MLX: variants seen among roughly 807,000 people sequenced by gnomAD.
MLX encodes the protein MAX dimerization protein MLX, also known as max-like protein X.
In MLX, 15 loss-of-function variants were observed where a neutral mutation model predicts 33.0. That is an observed-to-expected ratio of 0.45 (90% CI 0.30 to 0.70). The LOEUF is 0.70. MLX is among the 30% of genes least tolerant of loss of function. The pLI, the probability that MLX is intolerant of heterozygous loss-of-function variation, is 0.07. For synonymous variants in MLX, 115 were observed against 115.6 expected, an observed-to-expected ratio of 0.99 and a Z score of 0.03; for missense variants, 285 against 306.3, an observed-to-expected ratio of 0.93 and a Z score of 0.52.
Position 42,572,162 on chromosome 17 carries a change from T to C in MLX, c.*559T>C, listed in dbSNP as rs1220698393. On this transcript the variant is annotated 3_prime_UTR_variant, in exon 8 of 8. Coordinates refer to ENST00000435881, the MANE Select transcript of MLX (RefSeq NM_198204.2). ...GTCAGTCCCAGGTGAGGCCAAGGGC[T>C]TTCTGGCCATCTCAGGGAGGGGCCA... 1 of 346,870 alleles carries C rather than the reference T, an allele frequency of 2.9e-6. No homozygotes were observed. Among genetic ancestry groups the C allele is most frequent in the South Asian group, 2.3e-5 (1 of 43,334 alleles). The allele number at this position is 346,870 out of a possible 1,614,324, so 21.5% of individuals were successfully genotyped here.
rs763943242 is a variant in MLX at position 42,572,328 on chromosome 17, T to G, written c.*725T>G. 2.2e-6 allele frequency: 1 copy of G among 454,054 alleles called. No homozygotes were observed. Among genetic ancestry groups the G allele is most frequent in the African/African-American group, 2.0e-5 (1 of 49,948 alleles). 28.1% of individuals were successfully genotyped at this position (454,054 alleles called of 1,614,324 possible). A position where few individuals can be genotyped will look rare whatever the true frequency, so the allele number is the denominator to read the frequency against. ...ACAGCACTACATATTGGAAATTTTTTATTTTTCTAAATACCAATGCAGTTT... is the reference window on the plus strand; with the variant it reads ...ACAGCACTACATATTGGAAATTTTTGATTTTTCTAAATACCAATGCAGTTT... On this transcript the variant is annotated 3_prime_UTR_variant, in exon 8 of 8. Transcript: ENST00000435881.
chr17:42,567,476 C>A, intron 1 of MLX, 143 bp from the exon 2 acceptor site: 10 of 1,452,552 alleles, frequency 6.9e-6, no homozygotes, highest in Non-Finnish European at 9.3e-6. Flanking sequence ...GCCCGCGCAC[C>A]CCGGGCTGTG....
At position 42,569,306 on chromosome 17, in the gene MLX, A is replaced by T; in HGVS notation, c.376+3A>T. 1.9e-6 allele frequency: 3 copies of T among 1,613,280 alleles called. No homozygotes were observed. In the South Asian group the frequency reaches 3.3e-5, roughly 18 times the overall value. The stretch of plus-strand genomic sequence containing the variant: ...CAAAGCCATCGTTCTACAAAAGAGT[A>T]TGGCTAGGGAAAGCACTGGAGGGGA... On this transcript the variant is annotated splice_donor_region_variant and intron_variant, in intron 5 of 7. Transcript: ENST00000435881.
At position 42,571,695 on chromosome 17, in the gene MLX, A is replaced by C; in HGVS notation, c.*92A>C. The C allele has an allele frequency of 8.6e-7, 1 of 1,163,766 alleles. No individual in the cohort carries two copies. Among genetic ancestry groups the C allele is most frequent in the South Asian group, 1.2e-5 (1 of 81,756 alleles). The allele number at this position is 1,163,766 out of a possible 1,614,324, so 72.1% of individuals were successfully genotyped here. Reference sequence around the variant, plus strand: ...GCTGGGCCCGGGAGACTGGACTACAACACCTCACACTGGTCAGCTGGTTTC... The same window carrying C: ...GCTGGGCCCGGGAGACTGGACTACACCACCTCACACTGGTCAGCTGGTTTC... On this transcript the variant is annotated 3_prime_UTR_variant, in exon 8 of 8. Coordinates refer to ENST00000435881, the MANE Select transcript of MLX (RefSeq NM_198204.2).
Position 42,571,796 on chromosome 17 carries a change from ATTAAT to A in MLX, c.*197_*201del, listed in dbSNP as rs1041197157. On this transcript the variant is annotated 3_prime_UTR_variant, in exon 8 of 8. Transcript: ENST00000435881. ...GGTGTTTGTTTTGTGAAAGCTTCTGATTAATTTATTATATTGACGATAAAACTCAA... is the reference window on the plus strand; with the variant it reads ...GGTGTTTGTTTTGTGAAAGCTTCTGATTATTATATTGACGATAAAACTCAA... 32 of 600,698 alleles carry A rather than the reference ATTAAT, an allele frequency of 5.3e-5. No individual in the cohort carries two copies. The highest frequency in any genetic ancestry group is 1.5e-4 in the Admixed American group (5 of 33,962). The allele number at this position is 600,698 out of a possible 1,614,324, so 37.2% of individuals were successfully genotyped here. A position where few individuals can be genotyped will look rare whatever the true frequency, so the allele number is the denominator to read the frequency against.
chr17:42,571,416 C>T (rs1169778310), intron 7 of MLX, 131 bp from the exon 8 acceptor site: 11 of 959,926 alleles, frequency 1.1e-5, no homozygotes, highest in Admixed American at 5.6e-5. Context: ...CGTGAGCCAC[C>T]ACACCTGGCC....
In MLX at chr17:42,569,623, A is replaced by G; in HGVS notation, c.476+17A>G. ...CATGAAAGTGTAAGAGGGGTGCTGA[A>G]TGGGGGGAACCAGAACTTCTGAGGC... is the stretch of plus-strand genomic sequence containing the variant. On this transcript the variant is annotated intron_variant, in intron 6 of 7. Coordinates refer to ENST00000435881, the MANE Select transcript of MLX (RefSeq NM_198204.2). The G allele has an allele frequency of 6.2e-7, 1 of 1,601,292 alleles. No homozygotes were observed. The highest frequency in any genetic ancestry group is 1.1e-5 in the South Asian group (1 of 90,756).
At chr17:42,569,792 G>T in intron 6 of MLX, 186 bp downstream of exon 6, 1 of 718,894 alleles carries the variant, frequency 1.4e-6, no homozygotes. Flanking sequence ...ATGCCTGTTG[G>T]ATTAATGTAA....
rs2093038645 is a variant in MLX at position 42,572,447 on chromosome 17, G to C, written c.*844G>C. 2.2e-6 allele frequency: 1 copy of C among 454,472 alleles called. No homozygotes were observed. The highest frequency in any genetic ancestry group is 2.0e-5 in the African/African-American group (1 of 49,962). The allele number at this position is 454,472 out of a possible 1,614,324, so 28.2% of individuals were successfully genotyped here. A position where few individuals can be genotyped will look rare whatever the true frequency, so the allele number is the denominator to read the frequency against. On this transcript the variant is annotated 3_prime_UTR_variant, in exon 8 of 8. Transcript: ENST00000435881. ...CCTCTCCCATGTCTCAGTGTTGCCT[G>C]CATTTCTCCCAGGACTTGGGGGTGG...
chr17:42,569,639 C>T, intron 6 of MLX, 33 bp downstream of exon 6: 1 of 1,541,652 alleles, frequency 6.5e-7, no homozygotes, highest in Non-Finnish European at 9.0e-7. Flanking sequence ...GGAACCAGAA[C>T]TTCTGAGGCA....
In MLX at chr17:42,569,212, T is replaced by C. The variant is rs759762442; in HGVS notation, c.285T>C (p.Tyr95=). Reference sequence around the variant, plus strand: ...CCCTGCTGTTTCCACAGAGAGGCTATGATGACCTTCAGACCATCGTCCCCA... The same window carrying C: ...CCCTGCTGTTTCCACAGAGAGGCTACGATGACCTTCAGACCATCGTCCCCA... ...QKRRDAIKRG[Y]DDLQTIVPTC... is the part of the protein sequence containing the mutation. The change falls in exon 5 of 8, where the codon TAT becomes TAC. Residue 95 remains tyrosine, a synonymous_variant. Coordinates refer to ENST00000435881, the MANE Select transcript of MLX (RefSeq NM_198204.2). The C allele has an allele frequency of 6.2e-7, 1 of 1,614,046 alleles. No individual in the cohort carries two copies. The highest frequency in any genetic ancestry group is 8.5e-7 in the Non-Finnish European group (1 of 1,179,962).
At position 42,569,496 on chromosome 17, in the gene MLX, C is replaced by T. The variant is rs758294479; in HGVS notation, c.377-11C>T. ...TCTGTACCTGTCCTTTTTTTCTTGC[C>T]CCCACCCTAGCCATTGACTACATTC... On this transcript the variant is annotated splice_polypyrimidine_tract_variant and intron_variant, in intron 5 of 7. Coordinates refer to ENST00000435881, the MANE Select transcript of MLX (RefSeq NM_198204.2). The T allele has an allele frequency of 6.2e-7, 1 of 1,608,824 alleles. No homozygotes were observed. The highest frequency in any genetic ancestry group is 1.7e-5 in the Admixed American group (1 of 59,624).
chr17:42,571,566 T>C lies in MLX; in HGVS notation c.698T>C (p.Ile233Thr). Residue 233 changes from isoleucine (I) to threonine (T), a missense_variant, in exon 8 of 8, where the codon ATT becomes ACT. Coordinates refer to ENST00000435881, the MANE Select transcript of MLX (RefSeq NM_198204.2). ...CGCCAGACCCTGCGGGAGATTGTGA[T>C]TGGCGTCCTGCACCAATTGAAAAAC... ...CKPQTLREIV[I>T]GVLHQLKNQL... 1 of 1,614,230 alleles carries C rather than the reference T, an allele frequency of 6.2e-7. No individual in the cohort carries two copies.
Position 42,569,536 on chromosome 17 carries a change from G to A in MLX, c.406G>A (p.Glu136Lys). ...TIDYIQFLHK[E>K]KKKQEEEVST... Reference sequence around the variant, plus strand: ...TGACTACATTCAGTTTTTGCACAAGGAGAAGAAAAAGCAGGAGGAGGAGGT... The same window carrying A: ...TGACTACATTCAGTTTTTGCACAAGAAGAAGAAAAAGCAGGAGGAGGAGGT... Residue 136 changes from glutamate (E) to lysine (K), a missense_variant, in exon 6 of 8, where the codon GAG becomes AAG. Transcript: ENST00000435881. 6.2e-7 allele frequency: 1 copy of A among 1,614,062 alleles called. No individual in the cohort carries two copies. The highest frequency in any genetic ancestry group is 1.1e-5 in the South Asian group (1 of 91,090).
Position 42,568,563 on chromosome 17 carries a change from G to C in MLX, c.169+4G>C, listed in dbSNP as rs1343315384. Reference sequence around the variant, plus strand: ...GCCTCTTCTGTCCCCAACACAGGTAGGCAGTAACATCCCCCCCGACCTCGG... The same window carrying C: ...GCCTCTTCTGTCCCCAACACAGGTACGCAGTAACATCCCCCCCGACCTCGG... On this transcript the variant is annotated splice_donor_region_variant and intron_variant, in intron 3 of 7. Transcript: ENST00000435881. 2 of 1,612,438 alleles carry C rather than the reference G, an allele frequency of 1.2e-6. No individual in the cohort carries two copies. Among genetic ancestry groups the C allele is most frequent in the Non-Finnish European group, 1.7e-6 (2 of 1,178,728 alleles).
intron 7 of MLX, among the ~76,000 whole-genome samples, chr17:42,571,101 C>T (rs1214109145): frequency 6.6e-6 from 1 of 151,566 alleles, no homozygotes; most frequent in Non-Finnish European, 1.5e-5. Context: ...TCAGGAGCAC[C>T]TCAAATTAAA....
At position 42,567,602 on chromosome 17, in the gene MLX, C is replaced by T. The variant is rs765751987; in HGVS notation, c.43-17C>T. 4 of 1,613,858 alleles carry T rather than the reference C, an allele frequency of 2.5e-6. No homozygotes were observed. The highest frequency in any genetic ancestry group is 1.3e-5 in the African/African-American group (1 of 74,914). On this transcript the variant is annotated splice_polypyrimidine_tract_variant and intron_variant, in intron 1 of 7. Transcript: ENST00000435881. ...GGGCGGAGGTCTGACGGGCCCTTCCCGTGCTCTGTGCCGCAGGTGGAGTAT... is the reference window on the plus strand; with the variant it reads ...GGGCGGAGGTCTGACGGGCCCTTCCTGTGCTCTGTGCCGCAGGTGGAGTAT...
rs757969851 is a variant in MLX, at chr17:42,569,585, C to T, written c.455C>T (p.Thr152Ile). The change falls in exon 6 of 8, where the codon ACC (threonine) becomes ATC (isoleucine). Residue 152 changes from threonine to isoleucine, a missense_variant. Thr to Ile is a moderately conservative substitution (Grantham distance 89, BLOSUM62 -1). Transcript: ENST00000435881. Reference protein sequence around the residue: ...EEVSTLRKDVTALKIMKVNYE... With the variant: ...EEVSTLRKDVIALKIMKVNYE... ...GTGTCCACGTTACGCAAGGATGTCACCGCCCTAAAGATCATGAAAGTGTAA... is the reference window on the plus strand; with the variant it reads ...GTGTCCACGTTACGCAAGGATGTCATCGCCCTAAAGATCATGAAAGTGTAA... 1.2e-6 allele frequency: 2 copies of T among 1,614,002 alleles called. No individual in the cohort carries two copies. The highest frequency in any genetic ancestry group is 1.1e-5 in the South Asian group (1 of 91,070).
intron 3 of MLX, 85 bp from the exon 4 acceptor site, chr17:42,568,752 G>C: frequency 7.9e-7 from 1 of 1,267,150 alleles, no homozygotes. Flanking sequence ...TGGACACCAG[G>C]TTCTTCCCAG....
Sources: allele counts gnomAD v4.1 joint callset (sites outside exome capture counted in the v4.1 genomes callset), GRCh38; gene constraint gnomAD v4.1.1; transcripts MANE v1.5; gene names NCBI Gene and HGNC (gene_info 2026-07-23, HGNC 2026-07-21).